RNF13: variants seen among roughly 807,000 people sequenced by gnomAD.
The protein encoded by RNF13 is ring finger protein 13, also known as E3 ubiquitin-protein ligase RNF13.
RNF13 carries 19 observed loss-of-function variants against 37.7 expected under a neutral mutation model. That is an observed-to-expected ratio of 0.50 (90% CI 0.35 to 0.74). RNF13 has a LOEUF of 0.74. RNF13 is among the 30% of genes least tolerant of loss of function. The pLI is 0.01. For missense variants in RNF13, 375 were observed against 453.0 expected (o/e 0.83, Z 1.56); for synonymous variants, 144 against 157.8 (o/e 0.91, Z 0.65).
intron 1 of RNF13, among the ~76,000 whole-genome samples, chr3:149,816,357 A>G (rs1719448969): frequency 6.6e-6 from 1 of 152,198 alleles, no homozygotes. Flanking sequence ...ATTAAAAAAT[A>G]TGGAATGCTG....
At chr3:149,877,944 T>C (rs1444264344) in intron 4 of RNF13, among the ~76,000 whole-genome samples, 2 of 152,136 alleles carry the variant, frequency 1.3e-5, no homozygotes, top group African/African-American at 4.8e-5. Context: ...ATTTTCATGA[T>C]TAGGTTTCTT....
chr3:149,889,753 C>G (rs1044952284), intron 4 of RNF13, among the ~76,000 whole-genome samples: 2 of 149,268 alleles, frequency 1.3e-5, no homozygotes, highest in African/African-American at 5.0e-5. Flanking sequence ...CTTCCGGGTT[C>G]AAGCAATTCT....
intron 4 of RNF13, among the ~76,000 whole-genome samples, chr3:149,887,490 G>C (rs554692682): frequency 7.2e-5 from 11 of 152,070 alleles, no homozygotes; most frequent in Non-Finnish European, 1.3e-4. Flanking sequence ...TTGTAGAGAT[G>C]GGGTCTCTTT....
intron 1 of RNF13, among the ~76,000 whole-genome samples, chr3:149,818,510 T>A (rs1719692371): frequency 6.6e-6 from 1 of 152,130 alleles, no homozygotes; most frequent in South Asian, 2.1e-4. Context: ...ATCAAATGTT[T>A]ATTACAGGGA....
At chr3:149,904,944 G>C (rs1716242187) in intron 6 of RNF13, among the ~76,000 whole-genome samples, 1 of 151,944 alleles carries the variant, frequency 6.6e-6, no homozygotes, top group Non-Finnish European at 1.5e-5. Context: ...TCATTCTTTT[G>C]TACAGCTGCA....
chr3:149,925,292 A>G (rs1718527902), intron 8 of RNF13, among the ~76,000 whole-genome samples: 1 of 152,166 alleles, frequency 6.6e-6, no homozygotes, highest in Non-Finnish European at 1.5e-5. Flanking sequence ...TGTAGAATAC[A>G]TATTTCTAGA....
At chr3:149,856,583 A>G (rs1034280693) in intron 3 of RNF13, among the ~76,000 whole-genome samples, 9 of 151,078 alleles carry the variant, frequency 6.0e-5, no homozygotes, top group African/African-American at 2.2e-4. Flanking sequence ...AGCTAGTACT[A>G]TGGGAGTGTG....
chr3:149,856,220 A>G (rs1723633175), intron 3 of RNF13, among the ~76,000 whole-genome samples: 1 of 151,816 alleles, frequency 6.6e-6, no homozygotes, highest in African/African-American at 2.4e-5. Context: ...TTGGATTATT[A>G]TGGGTAGCTT....
At chr3:149,916,390 TTAG>T (rs1325444523) in intron 7 of RNF13, among the ~76,000 whole-genome samples, 1 of 152,228 alleles carries the variant, frequency 6.6e-6, no homozygotes, top group Non-Finnish European at 1.5e-5. Flanking sequence ...TATTGCCTTA[TTAG>T]TCTTTCAAAG....
chr3:149,890,259 T>C (rs952431424), intron 4 of RNF13, among the ~76,000 whole-genome samples: 8 of 152,218 alleles, frequency 5.3e-5, no homozygotes, highest in African/African-American at 1.9e-4. Context: ...ATGTAATCAT[T>C]ACCAGATTGT....
chr3:149,913,049 C>T (rs1019909111), intron 7 of RNF13, among the ~76,000 whole-genome samples: 2 of 152,058 alleles, frequency 1.3e-5, no homozygotes, highest in East Asian at 3.8e-4. Context: ...ATAAAGAATA[C>T]ATATTTTCAT....
At chr3:149,871,612 C>T (rs904331451) in intron 3 of RNF13, among the ~76,000 whole-genome samples, 6 of 151,784 alleles carry the variant, frequency 4.0e-5, no homozygotes, top group Non-Finnish European at 8.8e-5. Flanking sequence ...CTTACATACT[C>T]AGGCTAGCAT....
chr3:149,960,612 AT>A, intron 9 of RNF13, 127 bp from the exon 10 acceptor site: 1 of 919,140 alleles, frequency 1.1e-6, no homozygotes, highest in African/African-American at 1.7e-5. Flanking sequence ...AAAAATAAAA[AT>A]AAAAAATAAA....
At chr3:149,829,319 C>T (rs1012157307) in intron 1 of RNF13, among the ~76,000 whole-genome samples, 3 of 152,068 alleles carry the variant, frequency 2.0e-5, no homozygotes, top group Admixed American at 6.6e-5. Flanking sequence ...AGGCTGGTCT[C>T]GAACTCCTGA....
At chr3:149,821,181 C>A (rs1937311212) in intron 1 of RNF13, among the ~76,000 whole-genome samples, 1 of 152,082 alleles carries the variant, frequency 6.6e-6, no homozygotes, top group African/African-American at 2.4e-5. Context: ...CGGGTATATA[C>A]CAAGAATGGA....
chr3:149,845,944 T>C, intron 1 of RNF13, 67 bp from the exon 2 acceptor site: 1 of 768,912 alleles, frequency 1.3e-6, no homozygotes, highest in Non-Finnish European at 2.2e-6. Flanking sequence ...TGGGAATTAA[T>C]ATATCAAATG....
At chr3:149,861,640 G>C (rs576765341) in intron 3 of RNF13, among the ~76,000 whole-genome samples, 1 of 152,240 alleles carries the variant, frequency 6.6e-6, no homozygotes, top group South Asian at 2.1e-4. Flanking sequence ...ATGTGGTTGA[G>C]AGGGGGAGAT....
At chr3:149,813,208 C>T (rs1238704350), upstream of RNF13, 1 of 152,510 alleles carries the variant, frequency 6.6e-6, no homozygotes, top group Non-Finnish European at 1.5e-5. Flanking sequence ...GGCGGGACTT[C>T]CGCTTCGCCT....
chr3:149,857,950 C>T (rs1723820777), intron 3 of RNF13, among the ~76,000 whole-genome samples: 1 of 152,242 alleles, frequency 6.6e-6, no homozygotes, highest in Non-Finnish European at 1.5e-5. Context: ...GTGTTTGGGT[C>T]ATGGGGGCAG....
Sources: gnomAD v4.1 joint callset for allele counts (sites outside exome capture counted in the v4.1 genomes callset) on GRCh38, gnomAD v4.1.1 for gene constraint, MANE v1.5 for transcripts, NCBI Gene and HGNC (gene_info 2026-07-23, HGNC 2026-07-21) for gene names.